Variants in NLRP7 observed in about 807,000 individuals in gnomAD.
NLRP7 encodes the protein NACHT, LRR and PYD domains-containing protein 7.
A neutral mutation model predicts 85.5 loss-of-function variants in NLRP7; 72 were observed. The observed-to-expected ratio is 0.84, with a 90% CI of 0.70 to 1.02. The LOEUF (loss-of-function observed/expected upper bound fraction) is 1.02. NLRP7 is among the 50% of genes least tolerant of loss of function. The pLI is 0.00. For missense variants in NLRP7, 1,243 were observed against 1,219.5 expected (o/e 1.02, Z -0.29); for synonymous variants, 550 against 505.2 (o/e 1.09, Z -1.19).
intron 4 of NLRP7, among the ~76,000 whole-genome samples, 171 bp downstream of exon 4, chr19:54,938,717 C>A (rs1280175907): frequency 6.6e-6 from 1 of 152,234 alleles, no homozygotes; most frequent in Admixed American, 6.5e-5. Flanking sequence ...CAGAGCGAGA[C>A]TCCGTCTCAA....
intron 8 of NLRP7, among the ~76,000 whole-genome samples, chr19:54,931,588 T>G (rs1360559580): frequency 6.6e-6 from 1 of 151,810 alleles, no homozygotes; most frequent in African/African-American, 2.4e-5. Flanking sequence ...CTCAGGAGGC[T>G]GAGGCAGGAG....
At chr19:54,929,957 CA>C (rs568353615) in intron 9 of NLRP7, among the ~76,000 whole-genome samples, 2 of 150,204 alleles carry the variant, frequency 1.3e-5, no homozygotes, top group South Asian at 4.2e-4. Flanking sequence ...ACTAAAAATA[CA>C]AAAAAAATTA....
intron 1 of NLRP7, among the ~76,000 whole-genome samples, chr19:54,960,831 G>A (rs1479449683): frequency 3.3e-5 from 5 of 151,830 alleles, no homozygotes; most frequent in Non-Finnish European, 5.9e-5. Flanking sequence ...TCCTGACCTC[G>A]TGATCCGCTT....
At chr19:54,948,485 A>G (rs2069565497), upstream of NLRP7, among the ~76,000 whole-genome samples, 1 of 152,132 alleles carries the variant, frequency 6.6e-6, no homozygotes, top group South Asian at 2.1e-4. Context: ...CAGGAGTTTG[A>G]GGCTGCAGTG....
intron 1 of NLRP7, among the ~76,000 whole-genome samples, chr19:54,957,388 C>A (rs1489062114): frequency 1.3e-5 from 2 of 149,810 alleles, no homozygotes; most frequent in African/African-American, 2.5e-5. Context: ...CTTTGAAGCC[C>A]AGGCTGGAGT....
intron 8 of NLRP7, among the ~76,000 whole-genome samples, chr19:54,933,057 A>C (rs2068743053): frequency 6.6e-6 from 1 of 152,066 alleles, no homozygotes; most frequent in Non-Finnish European, 1.5e-5. Flanking sequence ...AGAACCAACT[A>C]CTCATCTCAA....
intron 9 of NLRP7, 142 bp from the exon 11 acceptor site, chr19:54,924,014 C>A: frequency 1.1e-6 from 1 of 896,538 alleles, no homozygotes; most frequent in South Asian, 1.4e-5. Context: ...GTTGCCCAGG[C>A]TGGGGTACAG....
chr19:54,962,242 A>T, intron 1 of NLRP7, among the ~76,000 whole-genome samples: 1 of 148,600 alleles, frequency 6.7e-6, no homozygotes. Flanking sequence ...ATTTTCATTC[A>T]TCCTTCCTAT....
At chr19:54,961,817 G>T (rs943745256) in intron 1 of NLRP7, among the ~76,000 whole-genome samples, 14 of 148,008 alleles carry the variant, frequency 9.5e-5, no homozygotes, top group African/African-American at 2.2e-4. Flanking sequence ...GTCTCAAAAA[G>T]GAAACAAAAA....
chr19:54,962,049 G>A (rs1449255495), intron 1 of NLRP7, among the ~76,000 whole-genome samples: 1 of 148,840 alleles, frequency 6.7e-6, no homozygotes, highest in Non-Finnish European at 1.5e-5. Flanking sequence ...TGTAATCCCA[G>A]CTACACAGGA....
rs77812009 is a variant in NLRP7, at chr19:54,939,890, T to C, written c.929A>G (p.Gln310Arg). 22,989 of 1,613,830 alleles carry C rather than the reference T, an allele frequency of 0.014. 260 individuals carry two copies. Among genetic ancestry groups the C allele is most frequent in the Non-Finnish European group, 0.016 (18,356 of 1,179,784 alleles). ...GTAGATCGGCTGCTGCGCCAGGAGC[T>C]GGAGGTCCCTCAGTGCCCTGGGCCG... The change falls in exon 4 of 10, where the codon CAG becomes CGG. Residue 310 changes from glutamine to arginine, a missense_variant. Gln to Arg is a conservative substitution (Grantham distance 43). Around this residue, in one of 3 missense-constraint regions of NLRP7, gnomAD observed 591 missense variants for 563.3 expected, o/e 1.05. Transcript: ENST00000340844.
intron 9 of NLRP7, among the ~76,000 whole-genome samples, chr19:54,925,378 T>C (rs1426827235): frequency 6.6e-6 from 1 of 152,202 alleles, no homozygotes; most frequent in Non-Finnish European, 1.5e-5. Flanking sequence ...TTATTTGAAC[T>C]GCAGACGTGT....
chr19:54,939,645 C>T (rs2069120852), exon 4 of NLRP7: 6 of 1,611,620 alleles, frequency 3.7e-6, no homozygotes, highest in Non-Finnish European at 5.1e-6. Context: ...AGGAACAGCC[C>T]CGTGCGGGTG....
intron 1 of NLRP7, among the ~76,000 whole-genome samples, chr19:54,961,895 A>T (rs2070054827): frequency 6.6e-6 from 1 of 151,600 alleles, no homozygotes; most frequent in South Asian, 2.1e-4. Flanking sequence ...GGGGAAGTGG[A>T]TGCCTGTAAT....
At chr19:54,941,051 G>A (rs200378672) in intron 2 of NLRP7, 46 bp from the exon 3 acceptor site, 38 of 1,331,392 alleles carry the variant, frequency 2.9e-5, no homozygotes, top group African/African-American at 7.2e-5. Flanking sequence ...TTTACACTTC[G>A]TAAATCAGAC....
exon 6 of NLRP7, chr19:54,936,291 C>G (rs753323712): frequency 1.4e-5 from 22 of 1,613,700 alleles, no homozygotes; most frequent in Non-Finnish European, 1.7e-5. Context: ...TTTATGATTT[C>G]TGAGCAGGTC....
chr19:54,939,711 A>G, exon 4 of NLRP7: 1 of 1,613,516 alleles, frequency 6.2e-7, no homozygotes, highest in Non-Finnish European at 8.5e-7. Context: ...AGAGTCGTGC[A>G]CACAATCCAG....
At chr19:54,947,994 TGA>T (rs34533643), upstream of NLRP7, 1,768 of 230,324 alleles carry the variant, frequency 7.7e-3, 33 homozygotes, top group African/African-American at 0.034. Context: ...CCCAGCAGGC[TGA>T]GAGGCCTAGG....
exon 5 of NLRP7, chr19:54,938,197 C>G (rs765446538): frequency 1.2e-6 from 2 of 1,613,916 alleles, no homozygotes. Context: ...GCGAAGAGAG[C>G]GAAGATCCTG....
Sources: allele counts gnomAD v4.1 joint callset (sites outside exome capture counted in the v4.1 genomes callset), GRCh38; gene constraint gnomAD v4.1.1; regional missense constraint gnomAD v4.1.1; transcripts MANE v1.5; gene names NCBI Gene and HGNC (gene_info 2026-07-23, HGNC 2026-07-21).